The following OXSR1 variants were observed in gnomAD, a reference collection of about 807,000 sequenced individuals.
OXSR1 encodes oxidative stress responsive kinase 1.
In OXSR1, 24 loss-of-function variants were observed where a neutral mutation model predicts 79.8. That is an observed-to-expected ratio of 0.30 (90% CI 0.22 to 0.42). OXSR1 has a LOEUF of 0.42. Ranked by LOEUF, OXSR1 falls within the 10% of genes least tolerant of loss-of-function variation. OXSR1 has a pLI of 1.00. For synonymous variants in OXSR1, 226 were observed against 209.2 expected, an observed-to-expected ratio of 1.08 and a Z score of -0.69; for missense variants, 430 against 618.4, an observed-to-expected ratio of 0.70 and a Z score of 3.23.
rs1269576776 is a variant in OXSR1 at position 38,198,765 on chromosome 3, A to G, written c.336A>G (p.Glu112=). Reference sequence around the variant, plus strand: ...TTAAGCACATTGTGGCAAAAGGGGAACACAAAAGTGGAGTCCTAGATGAAT... The same window carrying G: ...TTAAGCACATTGTGGCAAAAGGGGAGCACAAAAGTGGAGTCCTAGATGAAT... The part of the protein sequence containing the change: ...DIIKHIVAKG[E]HKSGVLDEST... Residue 112 remains glutamate, a synonymous_variant, in exon 4 of 18, where the codon GAA becomes GAG. Transcript: ENST00000311806. 1 of 1,613,376 alleles carries G rather than the reference A, an allele frequency of 6.2e-7. No individual in the cohort carries two copies. The highest frequency in any genetic ancestry group is 8.5e-7 in the Non-Finnish European group (1 of 1,179,356).
At position 38,190,712 on chromosome 3, in the gene OXSR1, T is replaced by C. The variant is rs1274997001; in HGVS notation, c.184-19T>C. ...TAGGCTTGCATATAATGAATTATTA[T>C]GTTTTCTCTTCTTTGTAGAAAGAAA... On this transcript the variant is annotated intron_variant, in intron 2 of 17. Transcript: ENST00000311806. 3.0e-6 allele frequency: 4 copies of C among 1,327,478 alleles called. No homozygotes were observed. The highest frequency in any genetic ancestry group is 3.3e-6 in the Non-Finnish European group (3 of 921,392). 82.2% of individuals were successfully genotyped at this position (1,327,478 alleles called of 1,614,324 possible).
chr3:38,248,257 G>A (rs1188529208), intron 14 of OXSR1, among the ~76,000 whole-genome samples: 1 of 151,844 alleles, frequency 6.6e-6, no homozygotes, highest in Non-Finnish European at 1.5e-5. Context: ...GTTCTTGGTG[G>A]GAACATATAG....
intron 1 of OXSR1, among the ~76,000 whole-genome samples, chr3:38,173,215 C>T (rs545552220): frequency 6.6e-6 from 1 of 152,270 alleles, no homozygotes; most frequent in East Asian, 1.9e-4. Context: ...GATTATCTTA[C>T]TAAAGAAGGG....
chr3:38,189,076 C>T (rs1404601065), intron 2 of OXSR1, among the ~76,000 whole-genome samples: 3 of 152,118 alleles, frequency 2.0e-5, no homozygotes, highest in African/African-American at 7.2e-5. Context: ...TTAGGTATGT[C>T]ATCATTTATG....
intron 4 of OXSR1, among the ~76,000 whole-genome samples, chr3:38,215,894 G>T (rs185522885): frequency 6.6e-6 from 1 of 152,216 alleles, no homozygotes; most frequent in African/African-American, 2.4e-5. Flanking sequence ...ATTATAGTAA[G>T]AACCTTTCTA....
At chr3:38,217,780 C>T (rs991700863) in intron 5 of OXSR1, among the ~76,000 whole-genome samples, 8 of 152,108 alleles carry the variant, frequency 5.3e-5, no homozygotes, top group Non-Finnish European at 1.2e-4. Context: ...TTCCTCATTC[C>T]ACCTCTCACC....
At chr3:38,191,790 T>A (rs1032800598) in intron 3 of OXSR1, among the ~76,000 whole-genome samples, 2 of 152,186 alleles carry the variant, frequency 1.3e-5, no homozygotes, top group Non-Finnish European at 2.9e-5. Flanking sequence ...TCCATAAGTC[T>A]TTTATCTTAA....
chr3:38,182,236 G>A (rs1701800364), intron 1 of OXSR1, among the ~76,000 whole-genome samples: 1 of 152,128 alleles, frequency 6.6e-6, no homozygotes, highest in Admixed American at 6.5e-5. Context: ...GTGGATGTGG[G>A]GCCCTGGCTT....
intron 4 of OXSR1, 149 bp downstream of exon 4, chr3:38,199,012 A>T (rs1359968016): frequency 1.8e-6 from 1 of 563,668 alleles, no homozygotes; most frequent in African/African-American, 1.9e-5. Context: ...TACAGCTAGT[A>T]AACATTAAAC....
intron 1 of OXSR1, among the ~76,000 whole-genome samples, chr3:38,173,311 A>G (rs1004053838): frequency 4.6e-5 from 7 of 152,346 alleles, no homozygotes; most frequent in East Asian, 3.9e-4. Flanking sequence ...TTGCAAGTAA[A>G]TAATTTAACC....
chr3:38,224,902 GTTCAGCTTTTTCCTTGTTAAT>G (rs1358294507), intron 8 of OXSR1, 198 bp downstream of exon 8: 1 of 325,636 alleles, frequency 3.1e-6, no homozygotes, highest in African/African-American at 2.2e-5. Context: ...ACCCTAAATA[GTTCAGCTTTTTCCTTGTTAAT>G]TTCTTACAAA....
chr3:38,222,952 C>T (rs1702618091), intron 6 of OXSR1, among the ~76,000 whole-genome samples: 1 of 152,068 alleles, frequency 6.6e-6, no homozygotes, highest in Non-Finnish European at 1.5e-5. Context: ...ATAAATATTG[C>T]TTTTAATTGA....
chr3:38,170,631 T>A (rs1001679902), intron 1 of OXSR1, among the ~76,000 whole-genome samples: 1 of 152,240 alleles, frequency 6.6e-6, no homozygotes, highest in African/African-American at 2.4e-5. Context: ...ACATGACTGC[T>A]TAAAGCCATG....
chr3:38,198,619 G>A, intron 3 of OXSR1, 103 bp from the exon 4 acceptor site: 3 of 778,010 alleles, frequency 3.9e-6, no homozygotes, highest in Non-Finnish European at 5.9e-6. Context: ...TTTCTGCACA[G>A]TTAAGTTTAT....
At position 38,221,588 on chromosome 3, in the gene OXSR1, T is replaced by A; in HGVS notation, c.501T>A (p.Val167=). The stretch of plus-strand genomic sequence containing the variant: ...TGTATTCTATTTCAGACTTTGGGGT[T>A]AGTGCTTTTTTAGCAACTGGTGGTG... ...DGSVQIADFG[V]SAFLATGGDI... Residue 167 remains valine (V), a synonymous_variant, in exon 6 of 18, where the codon GTT becomes GTA. Transcript: ENST00000311806. The A allele has an allele frequency of 3.1e-6, 5 of 1,605,204 alleles. No individual in the cohort carries two copies. Among genetic ancestry groups the A allele is most frequent in the Non-Finnish European group, 4.3e-6 (5 of 1,172,088 alleles).
At position 38,221,692 on chromosome 3, in the gene OXSR1, C is replaced by T. The variant is rs766016224; in HGVS notation, c.600+5C>T. The stretch of plus-strand genomic sequence containing the variant: ...GCACCTGAAGTTATGGAACAGGTAC[C>T]GTGTCTTTTTTTCTGTTTTAAATGG... On this transcript the variant is annotated splice_donor_5th_base_variant and intron_variant, in intron 6 of 17. Coordinates refer to ENST00000311806, the MANE Select transcript of OXSR1 (RefSeq NM_005109.3). 7.1e-6 allele frequency: 11 copies of T among 1,559,170 alleles called. No homozygotes were observed. Among genetic ancestry groups the T allele is most frequent in the Admixed American group, 1.7e-5 (1 of 59,418 alleles).
chr3:38,230,250 C>A, intron 9 of OXSR1, 115 bp from the exon 10 acceptor site: 1 of 701,478 alleles, frequency 1.4e-6, no homozygotes, highest in Non-Finnish European at 2.6e-6. Flanking sequence ...GTTTTTCTCA[C>A]ACTTCATTAC....
chr3:38,167,748 A>G (rs1701495604), intron 1 of OXSR1, among the ~76,000 whole-genome samples: 1 of 152,236 alleles, frequency 6.6e-6, no homozygotes, highest in Non-Finnish European at 1.5e-5. Flanking sequence ...TTGGTTCTAA[A>G]GACAGCTAGT....
At chr3:38,248,186 G>T (rs1037070331) in intron 14 of OXSR1, among the ~76,000 whole-genome samples, 1 of 151,972 alleles carries the variant, frequency 6.6e-6, no homozygotes, top group Non-Finnish European at 1.5e-5. Flanking sequence ...AAGGTTAAAA[G>T]GAAACTTCTA....
Sources: gnomAD v4.1 joint callset for allele counts (sites outside exome capture counted in the v4.1 genomes callset) on GRCh38, gnomAD v4.1.1 for gene constraint, MANE v1.5 for transcripts, NCBI Gene and HGNC (gene_info 2026-07-23, HGNC 2026-07-21) for gene names.